MUC17: variants seen among roughly 807,000 people sequenced by gnomAD.
MUC17 encodes mucin 17, cell surface associated.
MUC17 carries 190 observed loss-of-function variants against 170.3 expected under a neutral mutation model. That is an observed-to-expected ratio of 1.12 (90% CI 0.99 to 1.26). The LOEUF is 1.26. Among genes scored for constraint, MUC17 ranks in the 50% most tolerant of loss-of-function variants. MUC17 has a pLI of 0.00. For synonymous variants in MUC17, 2,325 were observed against 2,002.5 expected, an observed-to-expected ratio of 1.16 and a Z score of -4.30; for missense variants, 6,415 against 5,530.0, an observed-to-expected ratio of 1.16 and a Z score of -5.08.
chr7:101,029,851 G>T lies in MUC17; in HGVS notation c.83-1269G>T, dbSNP rs1794245550. On this transcript the variant is annotated intron_variant, in intron 1 of 12. Coordinates refer to ENST00000306151, the MANE Select transcript of MUC17 (RefSeq NM_001040105.2). ...TGACCTCAGGTAATACGCCTGGCTC[G>T]GCCTCCCAAAATGCTGAGATTACAG... Among the ~76,000 whole-genome samples the T allele has an allele frequency of 3.9e-5, 6 of 152,038 alleles. No homozygotes were observed. The South Asian group carries it at 1.2e-3, about 32-fold the overall frequency.
In MUC17 at chr7:101,040,434, C is replaced by G. The variant is rs766585582; in HGVS notation, c.9018C>G (p.Thr3006=). The G allele has an allele frequency of 2.5e-6, 4 of 1,611,668 alleles. No homozygotes were observed. In the South Asian group the frequency reaches 4.4e-5, roughly 18 times the overall value. ...CGGTGGCCAGTTCTGAGGCTAGCAC[C>G]CTTTCAAGAACTCCTGCTGACACCA... ...TMPVASSEAS[T]LSRTPADTST... is the part of the protein sequence containing the mutation. Residue 3006 remains threonine, a synonymous_variant, in exon 3 of 13, where the codon ACC becomes ACG. Coordinates refer to ENST00000306151, the MANE Select transcript of MUC17 (RefSeq NM_001040105.2).
At chr7:101,021,634 T>G (rs779822358) in intron 1 of MUC17, among the ~76,000 whole-genome samples, 2 of 152,138 alleles carry the variant, frequency 1.3e-5, no homozygotes, top group African/African-American at 4.8e-5. Context: ...TATCATTGAT[T>G]TCATCCCTAG....
rs770816615 is a variant in MUC17 at position 101,035,575 on chromosome 7, C to T, written c.4159C>T (p.Pro1387Ser). The T allele has an allele frequency of 2.5e-6, 4 of 1,602,264 alleles. No homozygotes were observed. Among genetic ancestry groups the T allele is most frequent in the Non-Finnish European group, 3.4e-6 (4 of 1,173,412 alleles). ...TACAACTTCTGAAGGTACCAGCATGCCAAACTCAAATCCTAGTGAAGGAAC... is the reference window on the plus strand; with the variant it reads ...TACAACTTCTGAAGGTACCAGCATGTCAAACTCAAATCCTAGTGAAGGAAC... ...SPTTSEGTSM[P>S]NSNPSEGTTP... is the part of the protein sequence containing the mutation. The change falls in exon 3 of 13, where the codon CCA becomes TCA. Residue 1387 changes from proline (P) to serine (S), a missense_variant. Pro to Ser is a moderately conservative substitution (Grantham distance 74). Transcript: ENST00000306151.
rs6978780 is a variant in MUC17, at chr7:101,050,568, C to T, written c.12807C>T (p.Thr4269=). Reference sequence around the variant, plus strand: ...ACAAGACAGTATTGGACAATGCCACCGAAGTAGTGAAAGAGAAAATCACAA... The same window carrying T: ...ACAAGACAGTATTGGACAATGCCACTGAAGTAGTGAAAGAGAAAATCACAA... The part of the protein sequence containing the change: ...PEYKTVLDNA[T]EVVKEKITKV... Residue 4269 remains threonine, a synonymous_variant, in exon 7 of 13, where the codon ACC becomes ACT. Coordinates refer to ENST00000306151, the MANE Select transcript of MUC17 (RefSeq NM_001040105.2). 332,271 of 1,613,344 alleles carry T rather than the reference C, an allele frequency of 0.21. 37,354 individuals carry two copies. The highest frequency in any genetic ancestry group is 0.23 in the Non-Finnish European group (275,880 of 1,179,570).
At chr7:101,055,664 A>G (rs370222148) in intron 11 of MUC17, among the ~76,000 whole-genome samples, 21 of 152,358 alleles carry the variant, frequency 1.4e-4, no homozygotes, top group African/African-American at 5.0e-4. Flanking sequence ...TAGCCTTAAT[A>G]CAATACAGAA....
In MUC17 at chr7:101,032,924, C is replaced by G; in HGVS notation, c.1508C>G (p.Thr503Ser). The part of the protein sequence containing the change: ...PPTAEVNSMP[T>S]STPSEGSTPL... ...ACTGCTGAAGTTAACAGCATGCCAACCTCAACTCCTAGTGAAGGAAGCACT... is the reference window on the plus strand; with the variant it reads ...ACTGCTGAAGTTAACAGCATGCCAAGCTCAACTCCTAGTGAAGGAAGCACT... Residue 503 changes from threonine (T) to serine (S), a missense_variant, in exon 3 of 13, where the codon ACC (threonine) becomes AGC (serine). Physicochemically the swap from Thr to Ser is moderately conservative, Grantham distance 58. Coordinates refer to ENST00000306151, the MANE Select transcript of MUC17 (RefSeq NM_001040105.2). 1 of 1,614,094 alleles carries G rather than the reference C, an allele frequency of 6.2e-7. No homozygotes were observed. Among genetic ancestry groups the G allele is most frequent in the Non-Finnish European group, 8.5e-7 (1 of 1,180,004 alleles).
At chr7:101,050,913 C>T (rs931075127) in intron 7 of MUC17, among the ~76,000 whole-genome samples, 2 of 152,046 alleles carry the variant, frequency 1.3e-5, no homozygotes, top group African/African-American at 4.8e-5. Flanking sequence ...TCCAGGAATT[C>T]GTCCCGGAAC....
At position 101,056,203 on chromosome 7, in the gene MUC17, C is replaced by T. The variant is rs1229810996; in HGVS notation, c.13373C>T (p.Ser4458Phe). 7 of 1,613,932 alleles carry T rather than the reference C, an allele frequency of 4.3e-6. No individual in the cohort carries two copies. The highest frequency in any genetic ancestry group is 5.9e-6 in the Non-Finnish European group (7 of 1,179,870). ...IGFDICQDDD[S>F]IHLESIYSNF... ...TCCATCCCTCCACAAGATGATGATT[C>T]CATCCACCTGGAGTCCATCTATAGT... The change falls in exon 12 of 13, where the codon TCC (serine) becomes TTC (phenylalanine). Residue 4458 changes from serine (S) to phenylalanine (F), a missense_variant. Transcript: ENST00000306151.
intron 6 of MUC17, among the ~76,000 whole-genome samples, chr7:101,049,649 G>T (rs1794901789): frequency 6.6e-6 from 1 of 152,094 alleles, no homozygotes; most frequent in Non-Finnish European, 1.5e-5. Context: ...GTCTTTGCAT[G>T]GTCTTTCCTC....
chr7:101,050,767 C>T (rs1437400904), intron 7 of MUC17, 132 bp downstream of exon 7: 4 of 1,328,220 alleles, frequency 3.0e-6, no homozygotes, highest in Admixed American at 5.3e-5. Flanking sequence ...GTCCTAGAGT[C>T]CCTGGGGTTG....
At chr7:101,056,414 A>C in intron 12 of MUC17, 144 bp downstream of exon 12, 1 of 1,326,784 alleles carries the variant, frequency 7.5e-7, no homozygotes, top group Non-Finnish European at 1.0e-6. Context: ...CCATACTGCC[A>C]GGAAACAAGC....
Position 101,034,328 on chromosome 7 carries a change from C to A in MUC17, c.2912C>A (p.Thr971Asn), listed in dbSNP as rs1182140608. Residue 971 changes from threonine to asparagine, a missense_variant, in exon 3 of 13, where the codon ACC becomes AAC. Transcript: ENST00000306151. ...TCATCTCCTACAACTGCTGAAGGTA[C>A]CAGCATACCAACCTCGACTCCTAGT... ...ATSSPTTAEGTSIPTSTPSEG... is the reference protein window; with the variant it reads ...ATSSPTTAEGNSIPTSTPSEG... 3 of 1,608,812 alleles carry A rather than the reference C, an allele frequency of 1.9e-6. No homozygotes were observed. Among genetic ancestry groups the A allele is most frequent in the Admixed American group, 3.4e-5 (2 of 59,530 alleles).
At chr7:101,057,308 G>A (rs975076769) in intron 12 of MUC17, among the ~76,000 whole-genome samples, 2 of 152,168 alleles carry the variant, frequency 1.3e-5, no homozygotes, top group African/African-American at 2.4e-5. Flanking sequence ...AAGTGTGAAC[G>A]TCTTCAGGTG....
chr7:101,049,085 C>G lies in MUC17; in HGVS notation c.12663+113C>G, dbSNP rs1158664395. ...CTTGTTAGATGTGCGGGAGTTCTCT[C>G]AGGCCCCCACGTCCTCAGGGCTTGC... On this transcript the variant is annotated intron_variant, in intron 5 of 12. Transcript: ENST00000306151. The G allele has an allele frequency of 4.6e-6, 7 of 1,510,148 alleles. No homozygotes were observed. The Admixed American group carries it at 1.3e-4, about 28-fold the overall frequency. The allele number at this position is 1,510,148 out of a possible 1,614,324, so 93.5% of individuals were successfully genotyped here.
rs763686003 is a variant in MUC17, at chr7:101,032,071, A to G, written c.655A>G (p.Thr219Ala). 1 of 1,614,222 alleles carries G rather than the reference A, an allele frequency of 6.2e-7. No individual in the cohort carries two copies. The highest frequency in any genetic ancestry group is 8.5e-7 in the Non-Finnish European group (1 of 1,180,026). ...TAACAGTGAAGGAAGCACTCCATTAACAAGTATGCCTGCCAGCACCATGAA... is the reference window on the plus strand; with the variant it reads ...TAACAGTGAAGGAAGCACTCCATTAGCAAGTATGCCTGCCAGCACCATGAA... ...STNSEGSTPL[T>A]SMPASTMKVA... The change falls in exon 3 of 13, where the codon ACA becomes GCA. Residue 219 changes from threonine to alanine, a missense_variant. Transcript: ENST00000306151.
At position 101,041,791 on chromosome 7, in the gene MUC17, C is replaced by G; in HGVS notation, c.10375C>G (p.Pro3459Ala). ...PTSTTSEGST[P>A]LSIMPLSTTP... is the part of the protein sequence containing the mutation. ...CTCAACTACTAGTGAAGGAAGCACT[C>G]CATTATCAATTATGCCTCTCAGTAC... is the stretch of plus-strand genomic sequence containing the variant. Residue 3459 changes from proline to alanine, a missense_variant, in exon 3 of 13, where the codon CCA becomes GCA. Pro to Ala is a conservative substitution (Grantham distance 27). Transcript: ENST00000306151. 3 of 1,613,886 alleles carry G rather than the reference C, an allele frequency of 1.9e-6. 1 individual carries two copies. The highest frequency in any genetic ancestry group is 1.6e-4 in the Middle Eastern group (1 of 6,062).
chr7:101,044,002 C>T (rs989683515), intron 3 of MUC17, among the ~76,000 whole-genome samples, 183 bp downstream of exon 3: 1 of 152,188 alleles, frequency 6.6e-6, no homozygotes, highest in Non-Finnish European at 1.5e-5. Flanking sequence ...CCCCCTACCC[C>T]ATGGCAGGCC....
Position 101,041,246 on chromosome 7 carries a change from G to C in MUC17, c.9830G>C (p.Ser3277Thr), listed in dbSNP as rs775887740. 6.2e-7 allele frequency: 1 copy of C among 1,611,424 alleles called. No individual in the cohort carries two copies. The highest frequency in any genetic ancestry group is 1.1e-5 in the South Asian group (1 of 90,906). ...EGTSMPTSTP[S>T]EGSTPLTSMP... ...ACCAGCATGCCAACCTCAACTCCTAGTGAAGGAAGCACTCCATTAACAAGT... is the reference window on the plus strand; with the variant it reads ...ACCAGCATGCCAACCTCAACTCCTACTGAAGGAAGCACTCCATTAACAAGT... The change falls in exon 3 of 13, where the codon AGT becomes ACT. Residue 3277 changes from serine to threonine, a missense_variant. Physicochemically the swap from Ser to Thr is moderately conservative, Grantham distance 58 (BLOSUM62 1). Coordinates refer to ENST00000306151, the MANE Select transcript of MUC17 (RefSeq NM_001040105.2).
rs4367469 is a variant in MUC17 at position 101,035,539 on chromosome 7, T to C, written c.4123T>C (p.Cys1375Arg). The change falls in exon 3 of 13, where the codon TGT (cysteine) becomes CGT (arginine). Residue 1375 changes from cysteine (C) to arginine (R), a missense_variant. Transcript: ENST00000306151. Reference protein sequence around the residue: ...STPVTTSTEACSSPTTSEGTS... With the variant: ...STPVTTSTEARSSPTTSEGTS... ...ACCTGTGACCACTTCTACTGAAGCC[T>C]GTTCATCTCCTACAACTTCTGAAGG... 215,620 of 1,611,434 alleles carry C rather than the reference T, an allele frequency of 0.13. 17,623 individuals carry two copies. The highest frequency in any genetic ancestry group is 0.31 in the African/African-American group (23,382 of 74,490).
Sources: allele counts gnomAD v4.1 joint callset (sites outside exome capture counted in the v4.1 genomes callset), GRCh38; gene constraint gnomAD v4.1.1; transcripts MANE v1.5; gene names NCBI Gene and HGNC (gene_info 2026-07-23, HGNC 2026-07-21).